Variants in ORC3 observed in about 807,000 individuals in gnomAD.
ORC3 encodes the protein homolog of latheo, Drosophila.
A neutral mutation model predicts 100.7 loss-of-function variants in ORC3; 78 were observed. The observed-to-expected ratio is 0.77, with a 90% CI of 0.65 to 0.94. ORC3 has a LOEUF of 0.94. Ranked by LOEUF, ORC3 falls within the 40% of genes least tolerant of loss-of-function variation. The pLI, the probability that ORC3 is intolerant of heterozygous loss-of-function variation, is 0.00. For synonymous variants in ORC3, 295 were observed against 289.3 expected (o/e 1.02, Z -0.20); for missense variants, 789 against 823.9 (o/e 0.96, Z 0.52).
At chr6:87,640,096 T>C (rs1459720070) in intron 13 of ORC3, among the ~76,000 whole-genome samples, 1 of 151,976 alleles carries the variant, frequency 6.6e-6, no homozygotes, top group South Asian at 2.1e-4. Context: ...TTTTCTTTAG[T>C]GGTGGGAAAC....
At chr6:87,625,758 G>A (rs1028285115) in intron 11 of ORC3, among the ~76,000 whole-genome samples, 13 of 152,306 alleles carry the variant, frequency 8.5e-5, no homozygotes, top group South Asian at 8.3e-4. Context: ...CAGTCATGAA[G>A]TCTTTGCCCA....
chr6:87,663,777 C>T (rs137876651), intron 17 of ORC3, among the ~76,000 whole-genome samples: 150 of 152,210 alleles, frequency 9.9e-4, no homozygotes, highest in Middle Eastern at 6.8e-3. Context: ...TTCTTATGAC[C>T]GGGCAAAATG....
At chr6:87,638,221 G>T (rs1429919614) in intron 13 of ORC3, among the ~76,000 whole-genome samples, 1 of 152,210 alleles carries the variant, frequency 6.6e-6, no homozygotes, top group Non-Finnish European at 1.5e-5. Context: ...AATACCTACA[G>T]CAAGGACAGG....
chr6:87,625,467 T>A (rs916887073), intron 11 of ORC3, among the ~76,000 whole-genome samples: 2 of 152,244 alleles, frequency 1.3e-5, no homozygotes, highest in Non-Finnish European at 2.9e-5. Context: ...CATTTTTTCA[T>A]ATGTCTGTTG....
At chr6:87,656,100 A>G (rs1047592546) in intron 14 of ORC3, among the ~76,000 whole-genome samples, 1 of 152,220 alleles carries the variant, frequency 6.6e-6, no homozygotes, top group African/African-American at 2.4e-5. Flanking sequence ...ACAGCTGTAC[A>G]TTTAAGCAGT....
chr6:87,608,632 T>C (rs758402413), intron 6 of ORC3, among the ~76,000 whole-genome samples: 15 of 152,324 alleles, frequency 9.8e-5, no homozygotes, highest in Admixed American at 3.3e-4. Flanking sequence ...ATGTCAGATA[T>C]CTTTTTAAAA....
intron 13 of ORC3, among the ~76,000 whole-genome samples, chr6:87,643,703 T>A (rs1768465737): frequency 6.6e-6 from 1 of 152,228 alleles, no homozygotes; most frequent in South Asian, 2.1e-4. Flanking sequence ...TTTTAAAAAC[T>A]CAGAAATAAC....
At chr6:87,615,667 C>T (rs896306945) in intron 8 of ORC3, among the ~76,000 whole-genome samples, 1 of 152,118 alleles carries the variant, frequency 6.6e-6, no homozygotes, top group African/African-American at 2.4e-5. Flanking sequence ...TGCACTCCAG[C>T]CTGGGCAAAA....
chr6:87,601,594 C>G (rs143775102), intron 2 of ORC3, among the ~76,000 whole-genome samples, 190 bp from the exon 3 acceptor site: 14 of 152,132 alleles, frequency 9.2e-5, no homozygotes, highest in African/African-American at 3.4e-4. Context: ...ATCACTTGAA[C>G]CTGGGAGGCG....
At chr6:87,675,563 G>C in the ORC3 span, 6 of 1,613,442 alleles carry the variant, frequency 3.7e-6, no homozygotes, top group East Asian at 1.1e-4. Flanking sequence ...ACTCAACAAG[G>C]AACAAGGCAG....
At chr6:87,662,118 A>C (rs2128294938) in intron 16 of ORC3, among the ~76,000 whole-genome samples, 1 of 152,260 alleles carries the variant, frequency 6.6e-6, no homozygotes, top group South Asian at 2.1e-4. Flanking sequence ...CGTAATAAGT[A>C]ATTCCAATAT....
chr6:87,607,227 G>C (rs775419020), intron 5 of ORC3, among the ~76,000 whole-genome samples: 1 of 151,990 alleles, frequency 6.6e-6, no homozygotes, highest in Admixed American at 6.6e-5. Context: ...TGAGGAGTTC[G>C]AGACCAGCCT....
In ORC3 at chr6:87,651,462, C is replaced by T. The variant is rs893294077; in HGVS notation, c.1383-1654C>T. On this transcript the variant is annotated intron_variant, in intron 13 of 19. Transcript: ENST00000392844. ...CTTTCTTCTCATAACTCTATCTGGGCAATAGAAAGCCACAAATTTTAAATC... is the reference window on the plus strand; with the variant it reads ...CTTTCTTCTCATAACTCTATCTGGGTAATAGAAAGCCACAAATTTTAAATC... 5 of 314,894 alleles carry T rather than the reference C, an allele frequency of 1.6e-5. No individual in the cohort carries two copies. In the East Asian group the frequency reaches 3.8e-4, roughly 24 times the overall value. The allele number at this position is 314,894 out of a possible 1,614,324, so 19.5% of individuals were successfully genotyped here.
chr6:87,612,153 C>T lies in ORC3; in HGVS notation c.778C>T (p.His260Tyr), dbSNP rs766872651. ...FGIATSPIII[H>Y]RLLPHAVSSL... ...AATAGCCACATCTCCTATTATCATC[C>T]ACCGATTGCTTCCTCATGCAGTATC... is the stretch of plus-strand genomic sequence containing the variant. Residue 260 changes from histidine (H) to tyrosine (Y), a missense_variant, in exon 8 of 20, where the codon CAC (histidine) becomes TAC (tyrosine). By Grantham distance (83) the His-to-Tyr change is moderately conservative. Around this residue, in one of 3 missense-constraint regions of ORC3, gnomAD observed 399 missense variants for 382.0 expected, o/e 1.04. Coordinates refer to ENST00000392844, the MANE Select transcript of ORC3 (RefSeq NM_012381.4). 1.9e-6 allele frequency: 3 copies of T among 1,613,446 alleles called. No homozygotes were observed. Among genetic ancestry groups the T allele is most frequent in the Non-Finnish European group, 2.5e-6 (3 of 1,179,672 alleles).
chr6:87,653,021 T>A, intron 13 of ORC3, 95 bp from the exon 14 acceptor site: 1 of 966,588 alleles, frequency 1.0e-6, no homozygotes, highest in Non-Finnish European at 1.5e-6. Context: ...TTTTATCTTC[T>A]GAGCGGAAAC....
At chr6:87,674,616 G>A in the ORC3 span, among the ~76,000 whole-genome samples, 1 of 142,112 alleles carries the variant, frequency 7.0e-6, no homozygotes, top group African/African-American at 2.9e-5. Context: ...AGTTACAGAA[G>A]AAGGAATTTA....
At chr6:87,623,885 A>T (rs1369047315) in intron 11 of ORC3, among the ~76,000 whole-genome samples, 1 of 132,432 alleles carries the variant, frequency 7.6e-6, no homozygotes, top group African/African-American at 3.2e-5. Context: ...CTCTGTCTTT[A>T]AAAAAAAACA....
intron 16 of ORC3, among the ~76,000 whole-genome samples, chr6:87,661,217 A>C (rs908941080): frequency 3.3e-5 from 5 of 152,202 alleles, no homozygotes; most frequent in African/African-American, 4.8e-5. Flanking sequence ...TTAGTGTAGG[A>C]AGAGTTTATG....
chr6:87,601,562 C>T (rs748843426), intron 2 of ORC3, among the ~76,000 whole-genome samples: 2 of 151,678 alleles, frequency 1.3e-5, no homozygotes, highest in Non-Finnish European at 2.9e-5. Context: ...CACAGCCACT[C>T]GGGAGGCTGA....
Sources: gnomAD v4.1 joint callset for allele counts (sites outside exome capture counted in the v4.1 genomes callset) on GRCh38, gnomAD v4.1.1 for gene constraint, gnomAD v4.1.1 regional missense constraint, MANE v1.5 for transcripts, NCBI Gene and HGNC (gene_info 2026-07-23, HGNC 2026-07-21) for gene names.